VDAC1: variants seen among roughly 807,000 people sequenced by gnomAD.
VDAC1 encodes voltage dependent anion channel 1, also known as non-selective voltage-gated ion channel VDAC1.
A neutral mutation model predicts 34.7 loss-of-function variants in VDAC1; 10 were observed. That is an observed-to-expected ratio of 0.29 (90% CI 0.18 to 0.49). VDAC1 has a LOEUF of 0.49. VDAC1 is among the 20% of genes least tolerant of loss of function. The pLI is 0.99. For missense variants in VDAC1, 230 were observed against 347.9 expected, an observed-to-expected ratio of 0.66 and a Z score of 2.69; for synonymous variants, 130 against 136.0, an observed-to-expected ratio of 0.96 and a Z score of 0.30.
the VDAC1 span, among the ~76,000 whole-genome samples, chr5:134,114,329 T>C: frequency 1.3e-5 from 2 of 151,924 alleles, no homozygotes; most frequent in African/African-American, 4.8e-5. Context: ...CTGGGCACGA[T>C]ACAGTTCACA....
At chr5:133,981,004 A>C (rs367640182) in intron 5 of VDAC1, 48 bp from the exon 6 acceptor site, 214 of 1,522,768 alleles carry the variant, frequency 1.4e-4, no homozygotes, top group Non-Finnish European at 1.9e-4. Context: ...CTCACCTTGA[A>C]ATGCAAGTTG....
the VDAC1 span, among the ~76,000 whole-genome samples, chr5:134,047,480 G>C: frequency 6.6e-6 from 1 of 152,176 alleles, no homozygotes; most frequent in Non-Finnish European, 1.5e-5. Context: ...CTATGGGAGA[G>C]AGGACAAATG....
the VDAC1 span, among the ~76,000 whole-genome samples, chr5:134,067,928 GC>G: frequency 6.6e-6 from 1 of 152,084 alleles, no homozygotes; most frequent in Non-Finnish European, 1.5e-5. Context: ...GACCAGCCTG[GC>G]CAACATGGTG....
At chr5:134,060,867 T>C in the VDAC1 span, among the ~76,000 whole-genome samples, 1 of 113,088 alleles carries the variant, frequency 8.8e-6, no homozygotes, top group Non-Finnish European at 1.8e-5. Context: ...GCAGATCTCC[T>C]CCTCTTCTTC....
At chr5:134,000,715 A>AT (rs5871517) in intron 1 of VDAC1, among the ~76,000 whole-genome samples, 152,324 of 152,326 alleles carry the variant, frequency 1, 76,161 homozygotes, top group Middle Eastern at 1. Context: ...GAGAGCCTGG[A>AT]TGGCGTCACT....
the VDAC1 span, among the ~76,000 whole-genome samples, chr5:134,104,270 C>T: frequency 6.6e-6 from 1 of 152,194 alleles, no homozygotes; most frequent in Admixed American, 6.5e-5. Context: ...CCCATTTTCC[C>T]AGGCCACTAC....
At chr5:134,035,384 C>G in the VDAC1 span, among the ~76,000 whole-genome samples, 3 of 152,096 alleles carry the variant, frequency 2.0e-5, no homozygotes, top group South Asian at 6.2e-4. Flanking sequence ...TGGGACTACA[C>G]GTGTGCACAA....
At chr5:134,094,789 A>G in the VDAC1 span, among the ~76,000 whole-genome samples, 1 of 151,794 alleles carries the variant, frequency 6.6e-6, no homozygotes, top group South Asian at 2.1e-4. Context: ...AGCAGCCTGC[A>G]GAGTAGGGAG....
chr5:133,975,129 G>A (rs1752427653), intron 7 of VDAC1, among the ~76,000 whole-genome samples: 1 of 152,008 alleles, frequency 6.6e-6, no homozygotes, highest in Non-Finnish European at 1.5e-5. Context: ...AATTAGCCAG[G>A]CATGCTGGTG....
At chr5:133,988,138 A>G (rs1184804779) in intron 5 of VDAC1, among the ~76,000 whole-genome samples, 1 of 152,250 alleles carries the variant, frequency 6.6e-6, no homozygotes, top group Non-Finnish European at 1.5e-5. Flanking sequence ...TTAATTAACT[A>G]TATGATATCA....
chr5:134,012,863 C>G, the VDAC1 span, among the ~76,000 whole-genome samples: 1 of 152,090 alleles, frequency 6.6e-6, no homozygotes, highest in East Asian at 1.9e-4. Context: ...CTACAATAAC[C>G]CAAACAGCAT....
chr5:133,973,862 T>C lies in VDAC1; in HGVS notation c.703-14A>G. 1.9e-6 allele frequency: 3 copies of C among 1,610,270 alleles called. No homozygotes were observed. Among genetic ancestry groups the C allele is most frequent in the Non-Finnish European group, 2.5e-6 (3 of 1,178,920 alleles). On this transcript the variant is annotated splice_polypyrimidine_tract_variant and intron_variant, in intron 7 of 8. Coordinates refer to ENST00000265333, the MANE Select transcript of VDAC1 (RefSeq NM_003374.3). ...GTTCACTTTAGCCTAATCAAGGAAATGACAAAACAGAGAAAACATTAAGTA... is the reference window on the plus strand; with the variant it reads ...GTTCACTTTAGCCTAATCAAGGAAACGACAAAACAGAGAAAACATTAAGTA...
At chr5:134,096,386 G>T in the VDAC1 span, among the ~76,000 whole-genome samples, 11 of 152,332 alleles carry the variant, frequency 7.2e-5, no homozygotes, top group African/African-American at 2.6e-4. Flanking sequence ...CAGGGACCGG[G>T]CCCACAGCTT....
At chr5:134,074,512 G>A in the VDAC1 span, among the ~76,000 whole-genome samples, 4 of 151,804 alleles carry the variant, frequency 2.6e-5, no homozygotes, top group South Asian at 2.1e-4. Context: ...AGATCACCCC[G>A]AGAAGAGGGA....
the VDAC1 span, among the ~76,000 whole-genome samples, chr5:134,033,024 A>G: frequency 1.3e-5 from 2 of 151,610 alleles, no homozygotes; most frequent in Admixed American, 6.6e-5. Flanking sequence ...CCCCATCTCA[A>G]AAAAGGAGAG....
intron 5 of VDAC1, among the ~76,000 whole-genome samples, chr5:133,987,573 G>C (rs1248305376): frequency 1.3e-5 from 2 of 152,206 alleles, no homozygotes; most frequent in Non-Finnish European, 2.9e-5. Context: ...AGCTACTTGG[G>C]AGGCTGAGGA....
the VDAC1 span, among the ~76,000 whole-genome samples, chr5:134,060,374 TATGA>T: frequency 6.6e-6 from 1 of 151,998 alleles, no homozygotes; most frequent in East Asian, 1.9e-4. Flanking sequence ...GCTCAGGAAA[TATGA>T]ATGAATGAAT....
Position 133,972,170 on chromosome 5 carries a change from CA to C in VDAC1, c.*600del. 6.6e-6 allele frequency: 1 copy of C among 151,808 alleles called. No homozygotes were observed. Among genetic ancestry groups the C allele is most frequent in the Non-Finnish European group, 1.5e-5 (1 of 68,502 alleles). 9.4% of individuals were successfully genotyped at this position (151,808 alleles called of 1,614,324 possible). ...CTATTTCATACTCTGGTGCAAGGGCCAAAAAAAAACACAACACAAGAAGGAA... is the reference window on the plus strand; with the variant it reads ...CTATTTCATACTCTGGTGCAAGGGCCAAAAAAAACACAACACAAGAAGGAA... On this transcript the variant is annotated 3_prime_UTR_variant, in exon 9 of 9. Transcript: ENST00000265333.
At chr5:134,026,516 GA>G in the VDAC1 span, among the ~76,000 whole-genome samples, 8,274 of 72,540 alleles carry the variant, frequency 0.11, 153 homozygotes, top group South Asian at 0.14. Flanking sequence ...CTCCGTCTCA[GA>G]AAAAAAAAAA....
Sources: gnomAD v4.1 joint callset for allele counts (sites outside exome capture counted in the v4.1 genomes callset) on GRCh38, gnomAD v4.1.1 for gene constraint, MANE v1.5 for transcripts, NCBI Gene and HGNC (gene_info 2026-07-23, HGNC 2026-07-21) for gene names.